ADK: variants seen among roughly 807,000 people sequenced by gnomAD.
The protein encoded by ADK is N6,N6-dimethyladenosine kinase.
A neutral mutation model predicts 44.7 loss-of-function variants in ADK; 24 were observed. The ratio of observed to expected loss-of-function variants is 0.54; its 90% CI spans 0.39 to 0.76. The LOEUF is 0.76. Ranked by LOEUF, ADK falls within the 30% of genes least tolerant of loss-of-function variation. ADK has a pLI of 0.00. For missense variants in ADK, 321 were observed against 425.1 expected (o/e 0.76, Z 2.15); for synonymous variants, 128 against 142.6 (o/e 0.90, Z 0.73).
chr10:74,666,470 A>G (rs765485147), intron 9 of ADK, among the ~76,000 whole-genome samples: 1 of 152,110 alleles, frequency 6.6e-6, no homozygotes, highest in African/African-American at 2.4e-5. Flanking sequence ...ATTATTCCCA[A>G]CCCTTTTCCT....
chr10:74,635,704 A>T (rs1277716203), intron 9 of ADK, among the ~76,000 whole-genome samples: 1 of 152,012 alleles, frequency 6.6e-6, no homozygotes, highest in Non-Finnish European at 1.5e-5. Flanking sequence ...GATGTTCAGA[A>T]CTCTCTATTT....
At chr10:74,372,432 G>A (rs1169729771) in intron 4 of ADK, 10 of 585,512 alleles carry the variant, frequency 1.7e-5, no homozygotes, top group African/African-American at 9.3e-5. Flanking sequence ...TATTGCACAC[G>A]CTCTTAAGCA....
At chr10:74,290,075 C>CGT (rs1564635396) in intron 3 of ADK, among the ~76,000 whole-genome samples, 3 of 77,848 alleles carry the variant, frequency 3.9e-5, no homozygotes, top group African/African-American at 1.2e-4. Context: ...AAACTACTCA[C>CGT]GCGCACACAC....
rs183094633 is a variant in ADK at position 74,319,596 on chromosome 10, A to G, written c.273+4851A>G. On this transcript the variant is annotated intron_variant, in intron 4 of 10. Coordinates refer to ENST00000539909, the MANE Select transcript of ADK (RefSeq NM_006721.4). ...GGGTTTAGGGCTTCAACATATGCAT[A>G]GTGGCAGGAGGGTCTGTGGAGGGGT... Among the ~76,000 whole-genome samples, 327 of 152,304 alleles carry G rather than the reference A, an allele frequency of 2.1e-3. 10 individuals carry two copies. Among genetic ancestry groups the G allele is most frequent in the Admixed American group, 0.019 (296 of 15,296 alleles).
intron 6 of ADK, among the ~76,000 whole-genome samples, chr10:74,497,993 CA>C (rs1268356540): frequency 2.8e-4 from 42 of 152,156 alleles, no homozygotes; most frequent in African/African-American, 1.0e-3. Flanking sequence ...GGGTTCATGC[CA>C]TTCTCCTGCC....
intron 6 of ADK, among the ~76,000 whole-genome samples, chr10:74,482,321 T>A (rs1470407406): frequency 2.0e-5 from 3 of 152,108 alleles, no homozygotes; most frequent in Admixed American, 1.3e-4. Context: ...TAAACAACTA[T>A]AGCTCATTGA....
In ADK at chr10:74,400,928, G is replaced by T. The variant is rs191018115; in HGVS notation, c.555+2349G>T. On this transcript the variant is annotated intron_variant, in intron 6 of 10. Coordinates refer to ENST00000539909, the MANE Select transcript of ADK (RefSeq NM_006721.4). ...CATTTTCTTCACCATATAATTTACTGAGTAAGTTCACACTGGAAACCTTCC... is the reference window on the plus strand; with the variant it reads ...CATTTTCTTCACCATATAATTTACTTAGTAAGTTCACACTGGAAACCTTCC... Among the ~76,000 whole-genome samples, 330 of 152,210 alleles carry T rather than the reference G, an allele frequency of 2.2e-3. 4 individuals are homozygous for T. Among genetic ancestry groups the T allele is most frequent in the Admixed American group, 0.021 (319 of 15,274 alleles).
intron 3 of ADK, among the ~76,000 whole-genome samples, chr10:74,250,588 C>T (rs970920224): frequency 2.0e-5 from 3 of 152,096 alleles, no homozygotes; most frequent in Non-Finnish European, 4.4e-5. Flanking sequence ...CATACTTAGT[C>T]TGCAGTTTAC....
intron 4 of ADK, among the ~76,000 whole-genome samples, chr10:74,323,771 C>A (rs1057172367): frequency 6.6e-6 from 1 of 151,964 alleles, no homozygotes; most frequent in Non-Finnish European, 1.5e-5. Context: ...GAGGTTTCAC[C>A]GTGTTAGCCA....
chr10:74,277,617 T>G (rs1846749950), intron 3 of ADK, among the ~76,000 whole-genome samples: 1 of 152,144 alleles, frequency 6.6e-6, no homozygotes, highest in Non-Finnish European at 1.5e-5. Flanking sequence ...GCCCGGATGG[T>G]CTCGATCTCC....
intron 6 of ADK, among the ~76,000 whole-genome samples, chr10:74,476,245 G>A (rs1382564072): frequency 6.6e-6 from 1 of 152,120 alleles, no homozygotes; most frequent in African/African-American, 2.4e-5. Context: ...TGTAATCTCA[G>A]CACTTTGGGA....
At position 74,624,228 on chromosome 10, in the gene ADK, AT is replaced by A. The variant is rs201131792; in HGVS notation, c.877+23751del. ...AACTCACATCATTTTTGATTCATTG[AT>A]TTTTTTTTTTTTTTTAGTATCCCAA... is the stretch of plus-strand genomic sequence containing the variant. On this transcript the variant is annotated intron_variant, in intron 9 of 10. Transcript: ENST00000539909. Among the ~76,000 whole-genome samples the A allele has an allele frequency of 7.0e-3, 977 of 138,900 alleles. 1 individual carries two copies. Among genetic ancestry groups the A allele is most frequent in the South Asian group, 0.01 (45 of 4,394 alleles). The allele number at this position is 138,900 out of a possible 152,430, so 91.1% of individuals were successfully genotyped here. A position where few individuals can be genotyped will look rare whatever the true frequency, so the allele number is the denominator to read the frequency against.
In ADK at chr10:74,656,191, G is replaced by A. The variant is rs1416459537; in HGVS notation, c.878-13992G>A. 7.5e-5 allele frequency: 19 copies of A among 255,020 alleles called. No individual in the cohort carries two copies. In the South Asian group the frequency reaches 9.1e-4, roughly 12 times the overall value. The allele number at this position is 255,020 out of a possible 1,614,324, so 15.8% of individuals were successfully genotyped here. A position where few individuals can be genotyped will look rare whatever the true frequency, so the allele number is the denominator to read the frequency against. ...TGTCTGCTCCAGACATTTTGTTCTC[G>A]AATCTCTGCAACCCAGGAGAGGCCA... On this transcript the variant is annotated intron_variant, in intron 9 of 10. Coordinates refer to ENST00000539909, the MANE Select transcript of ADK (RefSeq NM_006721.4).
At chr10:74,507,522 G>C (rs567193684) in intron 6 of ADK, among the ~76,000 whole-genome samples, 1 of 151,970 alleles carries the variant, frequency 6.6e-6, no homozygotes, top group African/African-American at 2.4e-5. Context: ...CTGTGAGGTG[G>C]GAGAATCGCT....
chr10:74,421,612 A>C (rs901543689), intron 6 of ADK, among the ~76,000 whole-genome samples: 2 of 152,194 alleles, frequency 1.3e-5, no homozygotes, highest in Middle Eastern at 3.2e-3. Flanking sequence ...TAACGCTCAC[A>C]TCCTGGTTTG....
intron 1 of ADK, 109 bp downstream of exon 1, chr10:74,151,452 G>T: frequency 8.1e-7 from 1 of 1,233,028 alleles, no homozygotes; most frequent in Non-Finnish European, 1.2e-6. Context: ...CTGCCAGCTT[G>T]GGGCCAACAC....
intron 6 of ADK, among the ~76,000 whole-genome samples, chr10:74,474,133 TC>T (rs1216818426): frequency 1.3e-5 from 2 of 152,152 alleles, no homozygotes; most frequent in African/African-American, 4.8e-5. Flanking sequence ...AATTTTTTTT[TC>T]GAGATGGGTT....
chr10:74,246,248 A>G (rs1487564477), intron 3 of ADK, among the ~76,000 whole-genome samples: 1 of 152,226 alleles, frequency 6.6e-6, no homozygotes, highest in Admixed American at 6.5e-5. Context: ...GGAGTTTTCT[A>G]GAGGTTGCAT....
At chr10:74,633,124 G>GT (rs1853499267) in intron 9 of ADK, among the ~76,000 whole-genome samples, 1 of 152,022 alleles carries the variant, frequency 6.6e-6, no homozygotes, top group South Asian at 2.1e-4. Context: ...TCTTCTATAG[G>GT]TTTTTTAATC....
Sources: gnomAD v4.1 joint callset for allele counts (sites outside exome capture counted in the v4.1 genomes callset) on GRCh38, gnomAD v4.1.1 for gene constraint, MANE v1.5 for transcripts, NCBI Gene and HGNC (gene_info 2026-07-23, HGNC 2026-07-21) for gene names.